Variants in SFI1 observed in about 807,000 individuals in gnomAD.
The protein encoded by SFI1 is SFI1 centrin binding protein.
Under a neutral mutation model 207.5 loss-of-function variants are expected in SFI1, and 195 were observed. That is an observed-to-expected ratio of 0.94 (90% CI 0.84 to 1.06). The LOEUF is 1.06. Among genes scored for constraint, SFI1 ranks in the 50% least tolerant of loss-of-function variants. The probability of loss-of-function intolerance (pLI) is 0.00; values close to 1 mark genes in which losing one functional copy is unlikely to be tolerated. For synonymous variants in SFI1, 630 were observed against 598.9 expected (o/e 1.05, Z -0.76); for missense variants, 1,634 against 1,588.0 (o/e 1.03, Z -0.49).
intron 2 of SFI1, among the ~76,000 whole-genome samples, chr22:31,512,622 A>G (rs1298472028): frequency 1.3e-5 from 2 of 151,538 alleles, no homozygotes; most frequent in East Asian, 2.0e-4. Context: ...GGTTCAAACA[A>G]TTCTCCTGCC....
At chr22:31,593,065 G>A (rs1420619297) in intron 15 of SFI1, among the ~76,000 whole-genome samples, 2 of 142,194 alleles carry the variant, frequency 1.4e-5, no homozygotes, top group Admixed American at 6.8e-5. Flanking sequence ...CGGACGGCAC[G>A]GCTGGCCGGG....
intron 7 of SFI1, among the ~76,000 whole-genome samples, chr22:31,559,053 C>T (rs140681398): frequency 1.3e-5 from 2 of 151,812 alleles, no homozygotes; most frequent in African/African-American, 2.4e-5. Flanking sequence ...ATGATCCACC[C>T]GCCTCGGCTT....
chr22:31,552,107 G>A (rs763024750), intron 6 of SFI1, among the ~76,000 whole-genome samples: 15 of 152,166 alleles, frequency 9.9e-5, no homozygotes, highest in Middle Eastern at 6.8e-3. Flanking sequence ...TTTAGCTCCC[G>A]CTTATAAGTG....
rs528684939 is a variant in SFI1, at chr22:31,542,134, T to C, written c.339-4727T>C. 8.0e-5 allele frequency among the ~76,000 whole-genome samples: 12 copies of C among 150,692 alleles called. 1 individual carries two copies. The South Asian group carries it at 2.4e-3, about 30-fold the overall frequency. ...AAAAAAAAAAAAGAAATGTACAGTT[T>C]AGGAGCCAGTCTCCTATAATCTCTC... On this transcript the variant is annotated intron_variant, in intron 4 of 32. Coordinates refer to ENST00000400288, the MANE Select transcript of SFI1 (RefSeq NM_001007467.3).
chr22:31,578,245 G>A (rs2063728361), intron 10 of SFI1, 137 bp from the exon 11 acceptor site: 1 of 614,258 alleles, frequency 1.6e-6, no homozygotes, highest in South Asian at 4.1e-5. Context: ...GTCATCAGGA[G>A]TAGACAGAGG....
At chr22:31,559,633 C>T in intron 7 of SFI1, 1 of 712,790 alleles carries the variant, frequency 1.4e-6, no homozygotes, top group South Asian at 1.4e-5. Flanking sequence ...CTGACGTTGA[C>T]CTCACCAAGT....
intron 4 of SFI1, among the ~76,000 whole-genome samples, chr22:31,533,606 A>C (rs757841180): frequency 2.6e-5 from 4 of 152,014 alleles, no homozygotes; most frequent in Non-Finnish European, 5.9e-5. Context: ...AGCAGCGACC[A>C]AAAGCAAGCA....
intron 2 of SFI1, among the ~76,000 whole-genome samples, chr22:31,526,868 T>C (rs1032336912): frequency 5.9e-5 from 9 of 151,462 alleles, no homozygotes; most frequent in African/African-American, 1.9e-4. Flanking sequence ...TGGCCATCAA[T>C]ACCTACGTTG....
rs778716478 is a variant in SFI1 at position 31,589,487 on chromosome 22, C to T, written c.1454C>T (p.Ala485Val). ...GCGGATGGTCATTTCCAGCAGAGAG[C>T]CCTGCCTGCTGCCTTCCACACATGG... ...ARADGHFQQRALPAAFHTWNR... is the reference protein window; with the variant it reads ...ARADGHFQQRVLPAAFHTWNR... The change falls in exon 15 of 33, where the codon GCC (alanine) becomes GTC (valine). Residue 485 changes from alanine (A) to valine (V), a missense_variant. Physicochemically the swap from Ala to Val is moderately conservative, Grantham distance 64 (BLOSUM62 0). Coordinates refer to ENST00000400288, the MANE Select transcript of SFI1 (RefSeq NM_001007467.3). 6 of 1,613,896 alleles carry T rather than the reference C, an allele frequency of 3.7e-6. No individual in the cohort carries two copies. The South Asian group carries it at 5.5e-5, about 15-fold the overall frequency.
At chr22:31,584,031 T>A (rs1446595527) in intron 13 of SFI1, 59 bp downstream of exon 13, 13 of 1,414,186 alleles carry the variant, frequency 9.2e-6, no homozygotes, top group Non-Finnish European at 1.2e-5. Flanking sequence ...ACTTACTGTT[T>A]TCCAGGAGTA....
In SFI1 at chr22:31,614,837, G is replaced by A. The variant is rs760240254; in HGVS notation, c.3045G>A (p.Leu1015=). The change falls in exon 28 of 33, where the codon CTG becomes CTA. Residue 1015 remains leucine (L), a synonymous_variant. Coordinates refer to ENST00000400288, the MANE Select transcript of SFI1 (RefSeq NM_001007467.3). The part of the protein sequence containing the change: ...ARKQPRRPHF[L]LEPAQSQRPQ... ...AGCAGCCGCGACGCCCACACTTCCT[G>A]TTGGAGCCTGCGCAGAGCCAGAGGT... is the stretch of plus-strand genomic sequence containing the variant. 1.2e-5 allele frequency: 19 copies of A among 1,613,868 alleles called. No homozygotes were observed. Among genetic ancestry groups the A allele is most frequent in the Middle Eastern group, 3.3e-4 (2 of 6,062 alleles).
chr22:31,535,092 C>T (rs1231703296), intron 4 of SFI1, among the ~76,000 whole-genome samples: 1 of 151,956 alleles, frequency 6.6e-6, no homozygotes, highest in Non-Finnish European at 1.5e-5. Flanking sequence ...GTCTTGAACT[C>T]CTGACCTCAG....
intron 3 of SFI1, chr22:31,529,181 G>T: frequency 4.0e-6 from 1 of 250,012 alleles, no homozygotes; most frequent in Non-Finnish European, 7.7e-6. Context: ...AGATTTTCTG[G>T]TGAATTCTAG....
chr22:31,503,581 A>G (rs906391321), intron 1 of SFI1, among the ~76,000 whole-genome samples: 4 of 128,478 alleles, frequency 3.1e-5, no homozygotes, highest in Non-Finnish European at 6.5e-5. Context: ...TTTTTCTTGG[A>G]CTGTTTTTTT....
chr22:31,511,149 A>G (rs1328398841), intron 2 of SFI1, among the ~76,000 whole-genome samples: 3 of 152,106 alleles, frequency 2.0e-5, no homozygotes, highest in Admixed American at 6.6e-5. Context: ...TCCTGAGCAG[A>G]GCCATCTTTG....
At chr22:31,510,847 T>C (rs1413289531) in intron 2 of SFI1, among the ~76,000 whole-genome samples, 1 of 152,218 alleles carries the variant, frequency 6.6e-6, no homozygotes, top group Non-Finnish European at 1.5e-5. Context: ...TATAATACTT[T>C]TAATTTATGA....
At chr22:31,534,801 A>C (rs1312636111) in intron 4 of SFI1, among the ~76,000 whole-genome samples, 1 of 149,828 alleles carries the variant, frequency 6.7e-6, no homozygotes, top group Admixed American at 6.6e-5. Flanking sequence ...TTGTGGACAA[A>C]TCTTCTGGCA....
In SFI1 at chr22:31,612,378, T is replaced by TGAAA. The variant is rs1220311850; in HGVS notation, c.2490+538_2490+539insGAAA. The TGAAA allele has an allele frequency of 9.3e-4, 58 of 62,258 alleles. 4 individuals are homozygous for TGAAA. The highest frequency in any genetic ancestry group is 5.1e-3 in the African/African-American group (55 of 10,830). 3.9% of individuals were successfully genotyped at this position (62,258 alleles called of 1,614,324 possible). ...CCGGGCAACAGAGCGAGACTCTGTCTAAAAAAAAAAAAAAAAAAAAATATA... is the reference window on the plus strand; with the variant it reads ...CCGGGCAACAGAGCGAGACTCTGTCTGAAAAAAAAAAAAAAAAAAAAAAAATATA... On this transcript the variant is annotated intron_variant, in intron 24 of 32. Coordinates refer to ENST00000400288, the MANE Select transcript of SFI1 (RefSeq NM_001007467.3).
intron 2 of SFI1, among the ~76,000 whole-genome samples, chr22:31,519,439 T>G (rs926809983): frequency 2.0e-4 from 29 of 147,138 alleles, no homozygotes; most frequent in African/African-American, 6.7e-4. Context: ...TCTGGCTAAT[T>G]TTTTTTTTTT....
Sources: gnomAD v4.1 joint callset for allele counts (sites outside exome capture counted in the v4.1 genomes callset) on GRCh38, gnomAD v4.1.1 for gene constraint, MANE v1.5 for transcripts, NCBI Gene and HGNC (gene_info 2026-07-23, HGNC 2026-07-21) for gene names.